The following PCDH7 variants were observed in gnomAD, a reference collection of about 807,000 sequenced individuals.
The protein encoded by PCDH7 is protocadherin 7.
A neutral mutation model predicts 58.9 loss-of-function variants in PCDH7; 17 were observed. That is an observed-to-expected ratio of 0.29 (90% CI 0.20 to 0.43). The LOEUF is 0.43. PCDH7 is among the 20% of genes least tolerant of loss of function. PCDH7 has a pLI of 1.00. For synonymous variants in PCDH7, 664 were observed against 616.4 expected, an observed-to-expected ratio of 1.08 and a Z score of -1.14; for missense variants, 1,274 against 1,441.0, an observed-to-expected ratio of 0.88 and a Z score of 1.88.
chr4:30,860,417 C>CT (rs34560786), intron 1 of PCDH7, among the ~76,000 whole-genome samples: 3,163 of 148,612 alleles, frequency 0.021, 46 homozygotes, highest in African/African-American at 0.042. Flanking sequence ...ATAATTAAGT[C>CT]TTTTTTTTTT....
At chr4:30,988,626 G>A (rs1490429705) in intron 3 of PCDH7, among the ~76,000 whole-genome samples, 1 of 152,088 alleles carries the variant, frequency 6.6e-6, no homozygotes, top group Non-Finnish European at 1.5e-5. Flanking sequence ...TTTTGTTTAA[G>A]ACACTAAATC....
intron 1 of PCDH7, among the ~76,000 whole-genome samples, chr4:30,802,123 G>A (rs907291798): frequency 6.6e-6 from 1 of 152,138 alleles, no homozygotes; most frequent in African/African-American, 2.4e-5. Flanking sequence ...TTAAATGTGA[G>A]GGTGCCAAAT....
intron 3 of PCDH7, among the ~76,000 whole-genome samples, chr4:30,956,493 A>T (rs188277240): frequency 6.6e-6 from 1 of 152,300 alleles, no homozygotes; most frequent in East Asian, 1.9e-4. Context: ...TTCTTCTGTT[A>T]TCTGTAGACT....
intron 3 of PCDH7, among the ~76,000 whole-genome samples, chr4:31,138,334 T>C (rs1719866131): frequency 6.6e-6 from 1 of 152,164 alleles, no homozygotes; most frequent in Non-Finnish European, 1.5e-5. Flanking sequence ...AGGGAGGTTG[T>C]TTCATTCTTT....
chr4:30,911,825 C>T (rs73214941), intron 1 of PCDH7, among the ~76,000 whole-genome samples: 4,707 of 151,718 alleles, frequency 0.031, 191 homozygotes, highest in African/African-American at 0.089. Flanking sequence ...AGGGATGGCA[C>T]GAAAAGTGAC....
chr4:31,052,971 A>C (rs1336442502), intron 3 of PCDH7, among the ~76,000 whole-genome samples: 1 of 151,982 alleles, frequency 6.6e-6, no homozygotes, highest in Non-Finnish European at 1.5e-5. Context: ...CTATGGTGTG[A>C]CTGCTATCTA....
chr4:30,994,788 T>C (rs999509471), intron 3 of PCDH7, among the ~76,000 whole-genome samples: 10 of 152,184 alleles, frequency 6.6e-5, no homozygotes, highest in Non-Finnish European at 1.0e-4. Flanking sequence ...AGTTTTCTAA[T>C]ATAGGTATAT....
At chr4:30,817,098 G>T (rs1439529914) in intron 1 of PCDH7, among the ~76,000 whole-genome samples, 2 of 152,138 alleles carry the variant, frequency 1.3e-5, no homozygotes, top group African/African-American at 2.4e-5. Flanking sequence ...TTTAAATAAA[G>T]AAATTCTCAA....
intron 2 of PCDH7, among the ~76,000 whole-genome samples, chr4:30,923,279 G>A (rs1208604041): frequency 6.6e-6 from 1 of 152,104 alleles, no homozygotes; most frequent in Non-Finnish European, 1.5e-5. Flanking sequence ...AAATTCCAAT[G>A]TCATGCTAAC....
rs369256692 is a variant in PCDH7, at chr4:30,721,942, C to T, written c.520C>T (p.Arg174Cys). ...CACAGCCACCGACCGCGACTTCGGC[C>T]GCAACGGCATCGAGCGCTACGAGCT... Residue 174 changes from arginine (R) to cysteine (C), a missense_variant, in exon 1 of 2, where the codon CGC becomes TGC. Arg to Cys is a radical substitution (Grantham distance 180). This residue lies in a region of PCDH7 where 212 missense variants were observed against 255.8 expected (regional missense o/e 0.83). Transcript: ENST00000361762. This position sits in a 1 kb window ranked among gnomAD's most constrained non-coding sequence, Gnocchi z 6.7. 6.4e-7 allele frequency: 1 copy of T among 1,558,442 alleles called. No homozygotes were observed. The highest frequency in any genetic ancestry group is 8.6e-7 in the Non-Finnish European group (1 of 1,158,050).
At chr4:30,839,853 A>G (rs1247785239) in intron 1 of PCDH7, among the ~76,000 whole-genome samples, 1 of 152,270 alleles carries the variant, frequency 6.6e-6, no homozygotes, top group South Asian at 2.1e-4. Flanking sequence ...AAGATACAGT[A>G]TATCTATTGC....
At chr4:30,887,316 T>C (rs549346161) in intron 1 of PCDH7, among the ~76,000 whole-genome samples, 82 of 152,170 alleles carry the variant, frequency 5.4e-4, no homozygotes, top group Non-Finnish European at 5.3e-4. Context: ...AGCACACTTA[T>C]AGCACATTAA....
At chr4:30,893,127 A>G (rs1738835085) in intron 1 of PCDH7, among the ~76,000 whole-genome samples, 1 of 152,092 alleles carries the variant, frequency 6.6e-6, no homozygotes, top group Admixed American at 6.6e-5. Flanking sequence ...AAATTCTGTT[A>G]CACTCTATTT....
intron 3 of PCDH7, among the ~76,000 whole-genome samples, chr4:31,113,990 G>C (rs777542322): frequency 1.3e-5 from 2 of 151,802 alleles, no homozygotes; most frequent in African/African-American, 4.8e-5. Context: ...CCGACACCGG[G>C]CTTGGCTAAT....
chr4:30,926,304 C>T (rs1428618704), intron 2 of PCDH7, among the ~76,000 whole-genome samples: 1 of 152,040 alleles, frequency 6.6e-6, no homozygotes, highest in Non-Finnish European at 1.5e-5. Flanking sequence ...GCTGCCTCAG[C>T]CTCCAGAGTA....
intron 3 of PCDH7, among the ~76,000 whole-genome samples, chr4:31,015,339 C>A (rs11737072): frequency 6.6e-6 from 1 of 152,076 alleles, no homozygotes; most frequent in African/African-American, 2.4e-5. Context: ...TAGAATACAT[C>A]CTTACAGAGG....
chr4:30,733,818 C>A (rs901596356), downstream of PCDH7, among the ~76,000 whole-genome samples: 1 of 152,170 alleles, frequency 6.6e-6, no homozygotes, highest in African/African-American at 2.4e-5. Flanking sequence ...GTACTGAAAA[C>A]ATTTGAGGGA....
intron 1 of PCDH7, among the ~76,000 whole-genome samples, chr4:30,797,189 G>A (rs1241148586): frequency 6.6e-6 from 1 of 151,578 alleles, no homozygotes; most frequent in African/African-American, 2.4e-5. Context: ...GCCCGCCCCT[G>A]CCTCCCAAAG....
In PCDH7 at chr4:31,064,391, C is replaced by T. The variant is rs1035064589; in HGVS notation, c.*8-78082C>T. 3.3e-5 allele frequency among the ~76,000 whole-genome samples: 5 copies of T among 151,854 alleles called. No individual in the cohort carries two copies. In the South Asian group the frequency reaches 6.2e-4, roughly 19 times the overall value. On this transcript the variant is annotated intron_variant, in intron 3 of 3. Transcript: ENST00000509759. ...GTAAGTTCTCTCTGTGTTTGTAGGGCGTGTGTGTCTTTGTATGTGGCAACA... is the reference window on the plus strand; with the variant it reads ...GTAAGTTCTCTCTGTGTTTGTAGGGTGTGTGTGTCTTTGTATGTGGCAACA...
Sources: gnomAD v4.1 joint callset for allele counts (sites outside exome capture counted in the v4.1 genomes callset) on GRCh38, gnomAD v4.1.1 for gene constraint, gnomAD v4.1.1 regional missense constraint, Gnocchi (gnomAD v3.1) non-coding constraint, MANE v1.5 for transcripts, NCBI Gene and HGNC (gene_info 2026-07-23, HGNC 2026-07-21) for gene names.